Variants in MLLT3 observed in about 807,000 individuals in gnomAD.
MLLT3 encodes MLLT3 super elongation complex subunit.
Under a neutral mutation model 53.2 loss-of-function variants are expected in MLLT3, and 4 were observed. The ratio of observed to expected loss-of-function variants is 0.08; its 90% confidence interval spans 0.04 to 0.17. MLLT3 has a LOEUF of 0.17. Ranked by LOEUF, MLLT3 falls within the 10% of genes least tolerant of loss-of-function variation. The pLI is 1.00. For missense variants in MLLT3, 569 were observed against 684.0 expected (o/e 0.83, Z 1.87); for synonymous variants, 283 against 230.6 (o/e 1.23, Z -2.06).
intron 8 of MLLT3, among the ~76,000 whole-genome samples, chr9:20,357,690 G>A (rs966768194): frequency 2.6e-5 from 4 of 152,118 alleles, no homozygotes; most frequent in African/African-American, 9.7e-5. Context: ...TATTCAGTAT[G>A]AAAATATTTG....
chr9:20,366,092 C>A (rs1821443674), intron 5 of MLLT3, among the ~76,000 whole-genome samples: 1 of 152,152 alleles, frequency 6.6e-6, no homozygotes, highest in Non-Finnish European at 1.5e-5. Flanking sequence ...GATACATGGG[C>A]AGAACATGCA....
intron 5 of MLLT3, among the ~76,000 whole-genome samples, chr9:20,371,800 T>C (rs1420089000): frequency 6.6e-6 from 1 of 152,236 alleles, no homozygotes; most frequent in Non-Finnish European, 1.5e-5. Context: ...AGTTTTATTA[T>C]TTAAGAAATA....
At chr9:20,537,794 T>C (rs868516589) in intron 2 of MLLT3, among the ~76,000 whole-genome samples, 7 of 152,178 alleles carry the variant, frequency 4.6e-5, no homozygotes, top group Non-Finnish European at 7.4e-5. Flanking sequence ...AAGTCTAAGT[T>C]GCAAAATGTA....
rs553627352 is a variant in MLLT3, at chr9:20,577,319, G to A, written c.193+43335C>T. 6.6e-5 allele frequency among the ~76,000 whole-genome samples: 10 copies of A among 152,224 alleles called. No individual in the cohort carries two copies. The South Asian group carries it at 1.0e-3, about 16-fold the overall frequency. On this transcript the variant is annotated intron_variant, in intron 2 of 10. Transcript: ENST00000380338. ...CTAGACACTAACCTGATATATTCAC[G>A]TGGAGTTAGGCTCTGAGATCTTTCA...
chr9:20,503,000 G>A (rs890911920), intron 2 of MLLT3, among the ~76,000 whole-genome samples: 1 of 151,954 alleles, frequency 6.6e-6, no homozygotes, highest in Admixed American at 6.6e-5. Context: ...AAACCAAGAA[G>A]TTGAAAGACC....
At position 20,347,075 on chromosome 9, in the gene MLLT3, C is replaced by CAAAA. The variant is rs11295975; in HGVS notation, c.1576-505_1576-502dup. ...ATAATTTGGAAAATACAGGAACTCC[C>CAAAA]AAAAAAAAAAAAAAAAAAAAAGGAA... On this transcript the variant is annotated intron_variant, in intron 10 of 10. Coordinates refer to ENST00000380338, the MANE Select transcript of MLLT3 (RefSeq NM_004529.4). Among the ~76,000 whole-genome samples the CAAAA allele has an allele frequency of 6.0e-5, 5 of 82,988 alleles. No homozygotes were observed. In the East Asian group the frequency reaches 1.6e-3, roughly 26 times the overall value. The allele number at this position is 82,988 out of a possible 152,430, so 54.4% of individuals were successfully genotyped here. A position where few individuals can be genotyped will look rare whatever the true frequency, so the allele number is the denominator to read the frequency against.
At chr9:20,557,439 T>C (rs547842392) in intron 2 of MLLT3, among the ~76,000 whole-genome samples, 48 of 152,194 alleles carry the variant, frequency 3.2e-4, no homozygotes, top group Admixed American at 7.9e-4. Flanking sequence ...AATGAATTAA[T>C]ATAGCTAAAA....
rs535162977 is a variant in MLLT3, at chr9:20,419,706, A to T, written c.421-5281T>A. On this transcript the variant is annotated intron_variant, in intron 4 of 10. Coordinates refer to ENST00000380338, the MANE Select transcript of MLLT3 (RefSeq NM_004529.4). ...AGTAGAACCCAAATATCCCACACACACAGTCTGTTGCGAAAGAAGTATTTG... is the reference window on the plus strand; with the variant it reads ...AGTAGAACCCAAATATCCCACACACTCAGTCTGTTGCGAAAGAAGTATTTG... Among the ~76,000 whole-genome samples the T allele has an allele frequency of 6.2e-4, 94 of 152,318 alleles. No individual in the cohort carries two copies. In the South Asian group the frequency reaches 0.012, roughly 19 times the overall value.
intron 4 of MLLT3, among the ~76,000 whole-genome samples, chr9:20,419,492 C>G (rs1822953998): frequency 6.7e-6 from 1 of 148,432 alleles, no homozygotes; most frequent in African/African-American, 2.5e-5. Flanking sequence ...AAAGAGAGGG[C>G]TGAATTACAA....
At chr9:20,367,404 T>C (rs1433592166) in intron 5 of MLLT3, among the ~76,000 whole-genome samples, 1 of 152,230 alleles carries the variant, frequency 6.6e-6, no homozygotes, top group Non-Finnish European at 1.5e-5. Flanking sequence ...CTTGTGCTTC[T>C]TGTAATCCTC....
At chr9:20,415,647 G>T (rs1439346928) in intron 4 of MLLT3, among the ~76,000 whole-genome samples, 1 of 151,956 alleles carries the variant, frequency 6.6e-6, no homozygotes, top group Non-Finnish European at 1.5e-5. Context: ...ACCCATTTAA[G>T]CCAATGATAT....
At chr9:20,347,866 T>A (rs1820916805) in intron 10 of MLLT3, among the ~76,000 whole-genome samples, 1 of 152,230 alleles carries the variant, frequency 6.6e-6, no homozygotes, top group Non-Finnish European at 1.5e-5. Context: ...AATGAAGTTT[T>A]AGATTACCTA....
intron 5 of MLLT3, among the ~76,000 whole-genome samples, chr9:20,376,241 T>A (rs2118683510): frequency 6.6e-6 from 1 of 152,318 alleles, no homozygotes; most frequent in South Asian, 2.1e-4. Flanking sequence ...TACATCTCTT[T>A]TTAGTAGATG....
At chr9:20,532,049 A>C (rs1388233156) in intron 2 of MLLT3, among the ~76,000 whole-genome samples, 1 of 152,104 alleles carries the variant, frequency 6.6e-6, no homozygotes, top group Non-Finnish European at 1.5e-5. Context: ...AATTAAAACG[A>C]TTGCAAGTTG....
intron 2 of MLLT3, among the ~76,000 whole-genome samples, chr9:20,506,732 C>A (rs772899597): frequency 4.5e-4 from 68 of 152,124 alleles, no homozygotes; most frequent in Non-Finnish European, 1.8e-4. Flanking sequence ...TTCTGTCATT[C>A]AAGATGAACT....
At chr9:20,350,519 C>T (rs955934395) in intron 10 of MLLT3, among the ~76,000 whole-genome samples, 2 of 145,404 alleles carry the variant, frequency 1.4e-5, no homozygotes, top group Non-Finnish European at 3.0e-5. Context: ...GGCGTGAACC[C>T]GGGAGGCGGA....
chr9:20,413,990 G>C lies in MLLT3; in HGVS notation c.856C>G (p.Pro286Ala), dbSNP rs748591952. The C allele has an allele frequency of 5.6e-6, 9 of 1,614,116 alleles. No individual in the cohort carries two copies. The highest frequency in any genetic ancestry group is 7.6e-6 in the Non-Finnish European group (9 of 1,180,012). ...GAGAGTTCTTCAGAATCTGAAATGG[G>C]CGGCCTTTTACTAGGAGCCTTCTTA... Reference protein sequence around the residue: ...QDKKAPSKRPPISDSEELSAK... With the variant: ...QDKKAPSKRPAISDSEELSAK... The change falls in exon 5 of 11, where the codon CCC becomes GCC. Residue 286 changes from proline (P) to alanine (A), a missense_variant. Physicochemically the swap from Pro to Ala is conservative, Grantham distance 27 (BLOSUM62 -1). Coordinates refer to ENST00000380338, the MANE Select transcript of MLLT3 (RefSeq NM_004529.4).
chr9:20,514,939 A>ATTTTT (rs35816235), intron 2 of MLLT3, among the ~76,000 whole-genome samples: 3 of 88,728 alleles, frequency 3.4e-5, no homozygotes, highest in African/African-American at 5.0e-5. Flanking sequence ...TGAAGGAACA[A>ATTTTT]TTTTTTTTTT....
intron 2 of MLLT3, among the ~76,000 whole-genome samples, chr9:20,474,300 A>G (rs886547639): frequency 6.6e-6 from 1 of 152,166 alleles, no homozygotes; most frequent in Non-Finnish European, 1.5e-5. Flanking sequence ...GAAAGAGTTT[A>G]TATCTGTTAT....
Sources: gnomAD v4.1 joint callset for allele counts (sites outside exome capture counted in the v4.1 genomes callset) on GRCh38, gnomAD v4.1.1 for gene constraint, MANE v1.5 for transcripts, NCBI Gene and HGNC (gene_info 2026-07-23, HGNC 2026-07-21) for gene names.